The following LPP variants were observed in gnomAD, a reference collection of about 807,000 sequenced individuals.
LPP encodes the protein lipoma-preferred partner.
LPP carries 38 observed loss-of-function variants against 60.4 expected under a neutral mutation model. The observed-to-expected ratio is 0.63, with a 90% CI of 0.49 to 0.83. LPP has a LOEUF of 0.83. Among genes scored for constraint, LPP ranks in the 40% least tolerant of loss-of-function variants. The pLI, the probability that LPP is intolerant of heterozygous loss-of-function variation, is 0.00. For synonymous variants in LPP, 328 were observed against 290.8 expected (o/e 1.13, Z -1.30); for missense variants, 902 against 783.6 (o/e 1.15, Z -1.80).
intron 3 of LPP, among the ~76,000 whole-genome samples, chr3:188,364,915 AT>A (rs1307543813): frequency 7.2e-6 from 1 of 138,056 alleles, no homozygotes; most frequent in Non-Finnish European, 1.7e-5. Flanking sequence ...GTCCATTCTA[AT>A]AAATGTATTT....
chr3:188,170,631 G>A (rs150767689), intron 1 of LPP, among the ~76,000 whole-genome samples: 4 of 151,172 alleles, frequency 2.6e-5, no homozygotes, highest in South Asian at 2.1e-4. Context: ...ATGCCCAGCC[G>A]AGGGAGTCTC....
At chr3:188,871,535 C>G (rs1351639776) in intron 10 of LPP, among the ~76,000 whole-genome samples, 1 of 152,176 alleles carries the variant, frequency 6.6e-6, no homozygotes, top group Non-Finnish European at 1.5e-5. Context: ...AATGCTTTGA[C>G]AACCGTAACG....
In LPP at chr3:188,696,222, A is replaced by ACT. The variant is rs147482649; in HGVS notation, c.1114-12026_1114-12025dup. ...AATTCAAGCTCTTTAAGCACACAGT[A>ACT]CTCTCTCTCTCTCTCTCTCTGTCTC... On this transcript the variant is annotated intron_variant, in intron 7 of 11. Coordinates refer to ENST00000617246, the MANE Select transcript of LPP (RefSeq NM_001375462.1). Among the ~76,000 whole-genome samples the ACT allele has an allele frequency of 8.6e-3, 1,283 of 148,900 alleles. 5 individuals carry two copies. The highest frequency in any genetic ancestry group is 0.012 in the Non-Finnish European group (798 of 67,094).
intron 7 of LPP, among the ~76,000 whole-genome samples, chr3:188,617,222 C>G (rs1437024861): frequency 6.6e-6 from 1 of 152,166 alleles, no homozygotes; most frequent in East Asian, 1.9e-4. Context: ...TTTTCAGAAT[C>G]ATAAGTCTTA....
At chr3:188,437,622 T>C (rs1288968762) in intron 4 of LPP, among the ~76,000 whole-genome samples, 1 of 152,218 alleles carries the variant, frequency 6.6e-6, no homozygotes, top group East Asian at 1.9e-4. Flanking sequence ...AGACATAATT[T>C]TGCATTTTTT....
At position 188,352,603 on chromosome 3, in the gene LPP, G is replaced by T. The variant is rs1766210127; in HGVS notation, c.-10+10884G>T. 6.6e-6 allele frequency among the ~76,000 whole-genome samples: 1 copy of T among 152,212 alleles called. No individual in the cohort carries two copies. Among genetic ancestry groups the T allele is most frequent in the African/African-American group, 2.4e-5 (1 of 41,452 alleles). On this transcript the variant is annotated intron_variant, in intron 3 of 11. Transcript: ENST00000617246. This position sits in a 1 kb window ranked among gnomAD's most constrained non-coding sequence, Gnocchi z 4.4. ...TCATTTGATGTGTGAGGACAGTGAG[G>T]CGCATTATGCGGAGGTGACTTGCTC...
In LPP at chr3:188,835,284, C is replaced by A. The variant is rs192890324; in HGVS notation, c.1411-30916C>A. On this transcript the variant is annotated intron_variant, in intron 9 of 11. Transcript: ENST00000617246. ...ACTACCCTAGCCAATATGGTGAAAA[C>A]TGTCTCTACTAAAAATACAAAAAAA... is the stretch of plus-strand genomic sequence containing the variant. 8.2e-3 allele frequency among the ~76,000 whole-genome samples: 1,148 copies of A among 140,586 alleles called. 10 individuals carry two copies. The highest frequency in any genetic ancestry group is 0.021 in the Middle Eastern group (6 of 282). 92.2% of individuals were successfully genotyped at this position (140,586 alleles called of 152,430 possible). A position where few individuals can be genotyped will look rare whatever the true frequency, so the allele number is the denominator to read the frequency against.
chr3:188,672,872 AATATAAT>A (rs1857218781), intron 7 of LPP, among the ~76,000 whole-genome samples: 1 of 152,186 alleles, frequency 6.6e-6, no homozygotes, highest in Non-Finnish European at 1.5e-5. Flanking sequence ...GAATTGAGTC[AATATAAT>A]ATACGAATCA....
At chr3:188,412,201 C>T (rs552584496) in intron 4 of LPP, among the ~76,000 whole-genome samples, 1 of 152,188 alleles carries the variant, frequency 6.6e-6, no homozygotes, top group South Asian at 2.1e-4. Flanking sequence ...CATGCCAGTT[C>T]TCACTCTTTT....
chr3:188,822,542 C>T (rs1368027569), intron 9 of LPP, among the ~76,000 whole-genome samples: 1 of 152,162 alleles, frequency 6.6e-6, no homozygotes, highest in Non-Finnish European at 1.5e-5. Flanking sequence ...CGATTAAGTT[C>T]CACACTCTGT....
At chr3:188,731,062 G>A (rs186515397) in intron 8 of LPP, among the ~76,000 whole-genome samples, 30 of 152,238 alleles carry the variant, frequency 2.0e-4, no homozygotes, top group Admixed American at 1.7e-3. Flanking sequence ...TGCAAAGTCC[G>A]TTTTGTCATA....
chr3:188,670,970 C>G lies in LPP; in HGVS notation c.1114-37297C>G, dbSNP rs763373503. Among the ~76,000 whole-genome samples, 40 of 152,218 alleles carry G rather than the reference C, an allele frequency of 2.6e-4. 1 individual carries two copies. The highest frequency in any genetic ancestry group is 3.4e-3 in the Middle Eastern group (1 of 294). ...TTCTGGGCAGTTATAGGTTTCTAAC[C>G]CAATAGGGCAATTTCAGTTTCCCCC... On this transcript the variant is annotated intron_variant, in intron 7 of 11. Transcript: ENST00000617246.
chr3:188,819,774 A>C (rs1341204044), intron 9 of LPP, among the ~76,000 whole-genome samples: 2 of 152,190 alleles, frequency 1.3e-5, no homozygotes, highest in Non-Finnish European at 2.9e-5. Context: ...GAACTAAGAC[A>C]TAAAAGTAGA....
chr3:188,807,352 A>G (rs1339714513), intron 9 of LPP, among the ~76,000 whole-genome samples: 5 of 151,850 alleles, frequency 3.3e-5, no homozygotes, highest in African/African-American at 9.7e-5. Context: ...GTGTTTGTAT[A>G]TATCCTGTTT....
intron 6 of LPP, chr3:188,568,277 C>G (rs896850947): frequency 6.6e-6 from 1 of 151,974 alleles, no homozygotes; most frequent in Non-Finnish European, 1.5e-5. Context: ...TGTAAGACCT[C>G]TGTCCAGCAA....
intron 2 of LPP, among the ~76,000 whole-genome samples, chr3:188,312,285 C>T (rs191756651): frequency 5.3e-5 from 8 of 152,222 alleles, no homozygotes; most frequent in Middle Eastern, 3.4e-3. Flanking sequence ...TGAAATGAGC[C>T]GTACCCATTT....
chr3:188,173,445 A>G (rs984640931), intron 1 of LPP, among the ~76,000 whole-genome samples: 1 of 152,018 alleles, frequency 6.6e-6, no homozygotes, highest in African/African-American at 2.4e-5. Flanking sequence ...CAGAGGTTGC[A>G]GTGAGCTGAG....
intron 8 of LPP, 34 bp downstream of exon 8, chr3:188,708,427 C>A: frequency 6.2e-7 from 1 of 1,614,078 alleles, no homozygotes; most frequent in South Asian, 1.1e-5. Flanking sequence ...TCTGAAGTAA[C>A]TATCTTGCTC....
intron 3 of LPP, among the ~76,000 whole-genome samples, chr3:188,353,284 T>C (rs1023344713): frequency 6.6e-6 from 1 of 152,196 alleles, no homozygotes; most frequent in Non-Finnish European, 1.5e-5. Context: ...AAACACAGGA[T>C]GAGCATCCAG....
Sources: allele counts gnomAD v4.1 joint callset (sites outside exome capture counted in the v4.1 genomes callset), GRCh38; gene constraint gnomAD v4.1.1; non-coding constraint Gnocchi (gnomAD v3.1); transcripts MANE v1.5; gene names NCBI Gene and HGNC (gene_info 2026-07-23, HGNC 2026-07-21).